The following OPHN1 variants were observed in gnomAD, a reference collection of about 807,000 sequenced individuals.
OPHN1 encodes the protein oligophrenin-1.
OPHN1 carries 11 observed loss-of-function variants against 60.7 expected under a neutral mutation model. The ratio of observed to expected loss-of-function variants is 0.18; its 90% CI spans 0.11 to 0.30. OPHN1 has a LOEUF of 0.30. Ranked by LOEUF, OPHN1 falls within the 10% of genes least tolerant of loss-of-function variation. OPHN1 has a pLI of 1.00. For synonymous variants in OPHN1, 226 were observed against 222.6 expected, an observed-to-expected ratio of 1.02 and a Z score of -0.14; for missense variants, 449 against 611.0, an observed-to-expected ratio of 0.73 and a Z score of 2.80.
intron 2 of OPHN1, among the ~76,000 whole-genome samples, chrX:68,403,490 G>T (rs937864738): frequency 9.0e-6 from 1 of 111,611 alleles, no homozygotes; most frequent in African/African-American, 3.3e-5. Flanking sequence ...CTTCCCTACA[G>T]ATCAGCAATT....
intron 2 of OPHN1, among the ~76,000 whole-genome samples, chrX:68,332,080 G>T: frequency 9.0e-6 from 1 of 111,252 alleles, no homozygotes. Flanking sequence ...GAATGAGAAC[G>T]ATCTGAAGCA....
chrX:68,080,820 TAGG>T (rs1450528042), intron 19 of OPHN1, among the ~76,000 whole-genome samples: 3 of 112,087 alleles, frequency 2.7e-5, no homozygotes, highest in Admixed American at 9.4e-5. Flanking sequence ...TCCTCTGTTA[TAGG>T]AGGACTTTTC....
At chrX:68,167,520 T>C (rs377532697) in intron 15 of OPHN1, among the ~76,000 whole-genome samples, 1 of 110,256 alleles carries the variant, frequency 9.1e-6, no homozygotes, top group East Asian at 2.9e-4. Flanking sequence ...TATATATGTG[T>C]GTGTGTGTGT....
chrX:68,044,545 C>G lies in OPHN1; in HGVS notation c.*2627G>C, dbSNP rs751788918. ...CTGGCCAAGGTATGTTGATAATTTC[C>G]TATAGCTGCCACTCTTCTATTATCA... On this transcript the variant is annotated 3_prime_UTR_variant, in exon 25 of 25. Transcript: ENST00000355520. 3.6e-5 allele frequency: 4 copies of G among 112,399 alleles called. No individual in the cohort carries two copies. Among genetic ancestry groups the G allele is most frequent in the Non-Finnish European group, 7.5e-5 (4 of 53,291 alleles). 9.3% of individuals were successfully genotyped at this position (112,399 alleles called of 1,213,427 possible).
intron 2 of OPHN1, among the ~76,000 whole-genome samples, chrX:68,375,302 G>C (rs1018300024): frequency 9.0e-6 from 1 of 111,606 alleles, no homozygotes; most frequent in African/African-American, 3.3e-5. Context: ...AGACCAGCCT[G>C]CCAAACATAG....
chrX:68,298,968 C>T (rs771535424), intron 3 of OPHN1, 33 bp downstream of exon 3: 2 of 933,776 alleles, frequency 2.1e-6, no homozygotes, highest in East Asian at 6.6e-5. Flanking sequence ...GCTGCCTCAA[C>T]AGGTATATGA....
intron 6 of OPHN1, among the ~76,000 whole-genome samples, chrX:68,226,041 T>A (rs191072256): frequency 1.8e-5 from 2 of 111,658 alleles, no homozygotes; most frequent in African/African-American, 6.5e-5. Flanking sequence ...TTAAATGACC[T>A]GATGCAGCTG....
chrX:68,353,414 A>AG (rs1207041289), intron 2 of OPHN1, among the ~76,000 whole-genome samples: 3 of 102,479 alleles, frequency 2.9e-5, no homozygotes, highest in African/African-American at 1.1e-4. Flanking sequence ...ACAGGAAAAA[A>AG]AAAAAAAAAA....
At chrX:68,055,289 C>T (rs2147350714) in intron 21 of OPHN1, among the ~76,000 whole-genome samples, 1 of 112,065 alleles carries the variant, frequency 8.9e-6, no homozygotes, top group Non-Finnish European at 1.9e-5. Flanking sequence ...CTGTAAATTT[C>T]CTCATCTGCG....
At chrX:68,248,140 C>A (rs903015729) in intron 5 of OPHN1, among the ~76,000 whole-genome samples, 3 of 111,319 alleles carry the variant, frequency 2.7e-5, no homozygotes, top group Admixed American at 1.9e-4. Flanking sequence ...CACCACCACC[C>A]TGCCAACTCC....
chrX:68,182,361 A>C (rs2077442076), intron 15 of OPHN1, among the ~76,000 whole-genome samples: 1 of 107,661 alleles, frequency 9.3e-6, no homozygotes, highest in Non-Finnish European at 1.9e-5. Flanking sequence ...AAGACTCTGA[A>C]GAGTAAGAGG....
chrX:68,169,675 T>C (rs1375815867), intron 15 of OPHN1, among the ~76,000 whole-genome samples: 3 of 109,996 alleles, frequency 2.7e-5, no homozygotes, highest in Non-Finnish European at 5.7e-5. Flanking sequence ...AAACAAGCAA[T>C]GGGGAAAGGA....
At chrX:68,194,649 T>C (rs2077502855) in intron 12 of OPHN1, 151 bp from the exon 13 acceptor site, 2 of 522,433 alleles carry the variant, frequency 3.8e-6, no homozygotes, top group Admixed American at 6.2e-5. Context: ...GGGCTAAACA[T>C]AATTGCTTTG....
chrX:68,083,218 G>A (rs1395959116), intron 19 of OPHN1, among the ~76,000 whole-genome samples: 5 of 103,577 alleles, frequency 4.8e-5, no homozygotes, highest in Non-Finnish European at 7.9e-5. Flanking sequence ...GACTACAGGC[G>A]CCCGCCACTG....
intron 2 of OPHN1, among the ~76,000 whole-genome samples, chrX:68,307,461 A>C (rs769174226): frequency 2.9e-4 from 31 of 107,790 alleles, no homozygotes; most frequent in East Asian, 1.2e-3. Flanking sequence ...ATGTCAACAA[A>C]AAAAAAAAAA....
At chrX:68,272,276 A>C in intron 5 of OPHN1, among the ~76,000 whole-genome samples, 1 of 111,316 alleles carries the variant, frequency 9.0e-6, no homozygotes, top group Non-Finnish European at 1.9e-5. Context: ...GTAAAGAAGT[A>C]TGAAAAAAGA....
intron 2 of OPHN1, among the ~76,000 whole-genome samples, chrX:68,351,991 C>G (rs1024043278): frequency 2.8e-5 from 3 of 107,423 alleles, no homozygotes; most frequent in African/African-American, 1.0e-4. Flanking sequence ...ATTCTCCTGC[C>G]TCAGCCTCCC....
intron 15 of OPHN1, among the ~76,000 whole-genome samples, chrX:68,182,962 AC>A (rs1466498505): frequency 1.8e-5 from 2 of 111,464 alleles, no homozygotes; most frequent in African/African-American, 6.5e-5. Flanking sequence ...AAGCTCTGCC[AC>A]CCCTGCTTTT....
Position 68,064,113 on chromosome X carries a change from T to C in OPHN1, c.1899A>G (p.Pro633=). The change falls in exon 21 of 25, where the codon CCA becomes CCG. Residue 633 remains proline (P), a synonymous_variant. Coordinates refer to ENST00000355520, the MANE Select transcript of OPHN1 (RefSeq NM_002547.3). ...TCTGAATAGGTAGTTTGGGGTGTTG[T>C]GGTGGCTTGGGGGGTTCTATGCTGC... is the stretch of plus-strand genomic sequence containing the variant. ...ITSSIEPPKP[P]QHPKLPIQRS... is the part of the protein sequence containing the mutation. 4.1e-6 allele frequency: 5 copies of C among 1,210,710 alleles called. No homozygotes were observed. The highest frequency in any genetic ancestry group is 5.6e-6 in the Non-Finnish European group (5 of 894,977).
Sources: allele counts gnomAD v4.1 joint callset (sites outside exome capture counted in the v4.1 genomes callset), GRCh38; gene constraint gnomAD v4.1.1; transcripts MANE v1.5; gene names NCBI Gene and HGNC (gene_info 2026-07-23, HGNC 2026-07-21).